Variants in CCDC122 observed in about 807,000 individuals in gnomAD.
The protein encoded by CCDC122 is coiled-coil domain containing 122, also known as coiled-coil domain-containing protein 122.
CCDC122 carries 38 observed loss-of-function variants against 37.0 expected under a neutral mutation model. That is an observed-to-expected ratio of 1.03 (90% CI 0.79 to 1.35). The LOEUF is 1.35. CCDC122 is among the 40% of genes most tolerant of loss of function. CCDC122 has a pLI of 0.00. For synonymous variants in CCDC122, 83 were observed against 95.6 expected (o/e 0.87, Z 0.77); for missense variants, 305 against 310.0 (o/e 0.98, Z 0.12).
chr13:43,872,451 A>T (rs1206314087), intron 2 of CCDC122, among the ~76,000 whole-genome samples: 2 of 152,104 alleles, frequency 1.3e-5, no homozygotes, highest in Non-Finnish European at 2.9e-5. Context: ...GGCTCTTAAC[A>T]TGCACCAAGT....
chr13:43,844,940 G>T (rs1210333540), intron 6 of CCDC122, among the ~76,000 whole-genome samples: 1 of 151,924 alleles, frequency 6.6e-6, no homozygotes, highest in Non-Finnish European at 1.5e-5. Flanking sequence ...CCTTTTAATT[G>T]GAATGCTTAG....
At chr13:43,852,639 C>T (rs1463070909) in intron 6 of CCDC122, among the ~76,000 whole-genome samples, 1 of 151,822 alleles carries the variant, frequency 6.6e-6, no homozygotes, top group African/African-American at 2.4e-5. Context: ...GCAGAGAACC[C>T]CAGTAAGATG....
At chr13:43,819,526 T>C (rs1181999661), downstream of CCDC122, among the ~76,000 whole-genome samples, 1 of 152,218 alleles carries the variant, frequency 6.6e-6, no homozygotes, top group East Asian at 1.9e-4. Context: ...GGAAGACCTC[T>C]ATGTATCACT....
At chr13:43,858,174 T>C (rs1468869989) in intron 6 of CCDC122, 2 of 152,204 alleles carry the variant, frequency 1.3e-5, no homozygotes, top group Non-Finnish European at 2.9e-5. Flanking sequence ...ATTTTTATTT[T>C]CCAAATTAAT....
intron 4 of CCDC122, among the ~76,000 whole-genome samples, chr13:43,866,699 T>A (rs1954286362): frequency 6.6e-6 from 1 of 152,180 alleles, no homozygotes; most frequent in Non-Finnish European, 1.5e-5. Flanking sequence ...GCATTGTAAG[T>A]AGTATTGCTT....
At chr13:43,821,336 G>T (rs1952991289), downstream of CCDC122, among the ~76,000 whole-genome samples, 1 of 152,186 alleles carries the variant, frequency 6.6e-6, no homozygotes, top group Non-Finnish European at 1.5e-5. Flanking sequence ...CTGTTCTCCT[G>T]CCTCAGCCTC....
intron 4 of CCDC122, among the ~76,000 whole-genome samples, chr13:43,862,927 TC>T (rs762940671): frequency 4.6e-5 from 7 of 152,178 alleles, no homozygotes; most frequent in Non-Finnish European, 8.8e-5. Flanking sequence ...GTTATTTTTT[TC>T]TTCTCCCTCT....
At chr13:43,842,987 C>A (rs777109435) in intron 6 of CCDC122, among the ~76,000 whole-genome samples, 1 of 151,912 alleles carries the variant, frequency 6.6e-6, no homozygotes, top group African/African-American at 2.4e-5. Flanking sequence ...TTACTTTTTT[C>A]TTTCCAATCT....
chr13:43,857,283 T>C (rs1241829865), intron 6 of CCDC122, among the ~76,000 whole-genome samples: 1 of 152,224 alleles, frequency 6.6e-6, no homozygotes, highest in African/African-American at 2.4e-5. Context: ...TGGAGTCTTG[T>C]TCTTTCTCTT....
At chr13:43,866,887 C>T (rs1954291348) in intron 4 of CCDC122, among the ~76,000 whole-genome samples, 1 of 152,020 alleles carries the variant, frequency 6.6e-6, no homozygotes, top group Non-Finnish European at 1.5e-5. Flanking sequence ...AACAGATTTA[C>T]TTCTTTCTTT....
At chr13:43,854,845 A>C (rs1383183952) in intron 6 of CCDC122, 1 of 152,238 alleles carries the variant, frequency 6.6e-6, no homozygotes, top group Non-Finnish European at 1.5e-5. Context: ...AATATGATTC[A>C]TCATATAAAC....
chr13:43,835,011 G>T (rs1471303176), downstream of CCDC122, among the ~76,000 whole-genome samples: 1 of 152,048 alleles, frequency 6.6e-6, no homozygotes, highest in Non-Finnish European at 1.5e-5. Flanking sequence ...ACATGCACAC[G>T]TATGTTTATT....
At chr13:43,839,036 A>C (rs1477591138) in intron 6 of CCDC122, among the ~76,000 whole-genome samples, 1 of 152,198 alleles carries the variant, frequency 6.6e-6, no homozygotes, top group Non-Finnish European at 1.5e-5. Flanking sequence ...CTCCGTTTCA[A>C]GAGATATCTT....
intron 3 of CCDC122, among the ~76,000 whole-genome samples, chr13:43,825,769 C>CAAAAAAAA (rs58173578): frequency 1.4e-5 from 1 of 73,534 alleles, no homozygotes; most frequent in East Asian, 3.9e-4. Flanking sequence ...GACTCCGTCT[C>CAAAAAAAA]AAAAAAAAAA....
downstream of CCDC122, among the ~76,000 whole-genome samples, chr13:43,835,023 C>T (rs1225427460): frequency 1.8e-4 from 27 of 151,858 alleles, 1 homozygote; most frequent in East Asian, 7.7e-4. Context: ...ATGTTTATTG[C>T]GGCACTATTC....
intron 6 of CCDC122, chr13:43,856,001 T>C (rs1421208297): frequency 6.6e-6 from 1 of 152,194 alleles, no homozygotes; most frequent in African/African-American, 2.4e-5. Context: ...ATATGGTACA[T>C]ATACACCATG....
chr13:43,838,128 G>T (rs1394901439), intron 6 of CCDC122, among the ~76,000 whole-genome samples: 1 of 151,994 alleles, frequency 6.6e-6, no homozygotes, highest in Admixed American at 6.6e-5. Flanking sequence ...AACCTCTGCT[G>T]GTTCTGAGGG....
intron 6 of CCDC122, chr13:43,854,011 C>T (rs1290650663): frequency 1.3e-5 from 2 of 152,128 alleles, no homozygotes; most frequent in Non-Finnish European, 2.9e-5. Flanking sequence ...AAATTTATAG[C>T]ACTAAATGCC....
intron 6 of CCDC122, among the ~76,000 whole-genome samples, chr13:43,849,616 T>G (rs1953658665): frequency 6.6e-6 from 1 of 152,100 alleles, no homozygotes; most frequent in South Asian, 2.1e-4. Context: ...TAAGAAAAAT[T>G]TGTTCTATCT....
Sources: allele counts gnomAD v4.1 joint callset (sites outside exome capture counted in the v4.1 genomes callset), GRCh38; gene constraint gnomAD v4.1.1; transcripts MANE v1.5; gene names NCBI Gene and HGNC (gene_info 2026-07-23, HGNC 2026-07-21).